Variants in PTBP2 observed in about 807,000 individuals in gnomAD.
PTBP2 encodes the protein polypyrimidine tract-binding protein 2.
Under a neutral mutation model 61.4 loss-of-function variants are expected in PTBP2, and 13 were observed. The ratio of observed to expected loss-of-function variants is 0.21; its 90% CI spans 0.14 to 0.34. PTBP2 has a LOEUF of 0.34. PTBP2 is among the 10% of genes least tolerant of loss of function. The pLI, the probability that PTBP2 is intolerant of heterozygous loss-of-function variation, is 1.00. For synonymous variants in PTBP2, 215 were observed against 218.5 expected, an observed-to-expected ratio of 0.98 and a Z score of 0.14; for missense variants, 405 against 642.6, an observed-to-expected ratio of 0.63 and a Z score of 4.00.
intron 2 of PTBP2, among the ~76,000 whole-genome samples, chr1:96,741,325 G>A (rs911825375): frequency 2.0e-5 from 3 of 151,920 alleles, no homozygotes; most frequent in South Asian, 2.1e-4. Flanking sequence ...GCAGTGGCTC[G>A]GTCACAGTCA....
intron 5 of PTBP2, 70 bp from the exon 6 acceptor site, chr1:96,777,504 AAGTGAACTAGT>A (rs1257836848): frequency 7.9e-7 from 1 of 1,264,560 alleles, no homozygotes; most frequent in African/African-American, 1.5e-5. Flanking sequence ...TCTAGGAACA[AAGTGAACTAGT>A]AGTGTAACAG....
intron 8 of PTBP2, among the ~76,000 whole-genome samples, chr1:96,802,185 TGAGA>T (rs1557771344): frequency 1.7e-5 from 2 of 120,842 alleles, no homozygotes; most frequent in African/African-American, 6.5e-5. Context: ...CACTCCAACC[TGAGA>T]GACACAGCGA....
intron 2 of PTBP2, among the ~76,000 whole-genome samples, chr1:96,726,253 ATTGTT>A (rs1372931317): frequency 6.9e-6 from 1 of 144,420 alleles, no homozygotes; most frequent in African/African-American, 2.6e-5. Flanking sequence ...AATTCAAACT[ATTGTT>A]TTGGCCCACA....
intron 2 of PTBP2, among the ~76,000 whole-genome samples, chr1:96,726,861 G>T (rs987025743): frequency 3.9e-5 from 6 of 152,092 alleles, no homozygotes; most frequent in African/African-American, 1.4e-4. Flanking sequence ...GGGATTACAG[G>T]CTTGAGCCAC....
intron 2 of PTBP2, among the ~76,000 whole-genome samples, chr1:96,737,172 G>A (rs994189398): frequency 6.6e-6 from 1 of 151,802 alleles, no homozygotes; most frequent in African/African-American, 2.4e-5. Flanking sequence ...GTAGAGATGG[G>A]TTTTACCATG....
At chr1:96,811,142 ATAGG>A (rs926651192) in intron 11 of PTBP2, among the ~76,000 whole-genome samples, 92 of 152,214 alleles carry the variant, frequency 6.0e-4, no homozygotes, top group African/African-American at 2.1e-3. Flanking sequence ...TAAGGAAGTT[ATAGG>A]TAAAATAAGA....
intron 3 of PTBP2, among the ~76,000 whole-genome samples, chr1:96,754,611 C>A (rs1351635635): frequency 6.6e-6 from 1 of 152,150 alleles, no homozygotes; most frequent in Non-Finnish European, 1.5e-5. Flanking sequence ...TCAAGAATTA[C>A]TGCAAAGCTA....
At chr1:96,762,783 G>A (rs908590027) in intron 3 of PTBP2, among the ~76,000 whole-genome samples, 5 of 152,144 alleles carry the variant, frequency 3.3e-5, no homozygotes, top group East Asian at 2.0e-4. Flanking sequence ...CTTCCCAGAC[G>A]GCGTGGCTGC....
At chr1:96,804,489 C>T (rs1404055274) in intron 8 of PTBP2, among the ~76,000 whole-genome samples, 1 of 152,016 alleles carries the variant, frequency 6.6e-6, no homozygotes, top group Non-Finnish European at 1.5e-5. Flanking sequence ...AAGCCTGTGA[C>T]TTGGAATTAT....
At chr1:96,762,280 G>C (rs7551204) in intron 3 of PTBP2, among the ~76,000 whole-genome samples, 10,133 of 146,982 alleles carry the variant, frequency 0.069, 546 homozygotes, top group Admixed American at 0.15. Flanking sequence ...CGGGCAGAGG[G>C]GCTCCTCACT....
intron 2 of PTBP2, among the ~76,000 whole-genome samples, chr1:96,728,293 G>C (rs956760994): frequency 6.6e-5 from 10 of 152,136 alleles, no homozygotes; most frequent in African/African-American, 2.2e-4. Context: ...GGCCACCTTT[G>C]TTTTCTAATA....
At chr1:96,797,195 G>C (rs1660479880) in intron 8 of PTBP2, among the ~76,000 whole-genome samples, 1 of 152,152 alleles carries the variant, frequency 6.6e-6, no homozygotes, top group African/African-American at 2.4e-5. Context: ...TGGAACAGCA[G>C]TTTGAAAGTA....
chr1:96,726,896 TA>T (rs796906114), intron 2 of PTBP2, among the ~76,000 whole-genome samples: 18 of 151,854 alleles, frequency 1.2e-4, no homozygotes, highest in African/African-American at 4.4e-4. Flanking sequence ...ATCTTGCCTT[TA>T]AAAAAAATAG....
intron 8 of PTBP2, among the ~76,000 whole-genome samples, chr1:96,791,826 C>CTTTTTTTTGTTTTTTTTTTTTTTT (rs1482989030): frequency 1.5e-5 from 1 of 66,128 alleles, no homozygotes; most frequent in Non-Finnish European, 2.6e-5. Context: ...TGGAGTTGTG[C>CTTTTTTTTGTTTTTTTTTTTTTTT]TTTTTTTTTT....
chr1:96,733,023 T>TTC lies in PTBP2; in HGVS notation c.39+9430_39+9431insCT, dbSNP rs1553171620. On this transcript the variant is annotated intron_variant, in intron 2 of 13. Transcript: ENST00000674951. ...TCATTACTCTGCTTTCTTTCTTTCT[T>TTC]TTTTTTTTTTTTTGCTATAGCAAAT... Among the ~76,000 whole-genome samples the TTC allele has an allele frequency of 2.8e-3, 414 of 146,148 alleles. 2 individuals carry two copies. The highest frequency in any genetic ancestry group is 0.01 in the African/African-American group (405 of 40,416).
At chr1:96,774,708 T>C (rs1336678360) in intron 5 of PTBP2, among the ~76,000 whole-genome samples, 1 of 152,234 alleles carries the variant, frequency 6.6e-6, no homozygotes, top group Non-Finnish European at 1.5e-5. Flanking sequence ...TTCTTTTTCT[T>C]TTCCCTTCTG....
intron 2 of PTBP2, among the ~76,000 whole-genome samples, chr1:96,748,752 A>G (rs921885265): frequency 2.6e-5 from 4 of 152,200 alleles, no homozygotes; most frequent in African/African-American, 7.2e-5. Flanking sequence ...GCAGTCATCA[A>G]TCACTACCAT....
At chr1:96,771,017 T>A (rs1657315746) in intron 5 of PTBP2, 166 bp downstream of exon 5, 1 of 540,630 alleles carries the variant, frequency 1.8e-6, no homozygotes, top group Admixed American at 3.7e-5. Flanking sequence ...AAATACTATG[T>A]CATTTTGAAT....
chr1:96,775,037 C>T (rs190884983), intron 5 of PTBP2, among the ~76,000 whole-genome samples: 219 of 152,250 alleles, frequency 1.4e-3, no homozygotes, highest in African/African-American at 5.2e-3. Flanking sequence ...TTCACATGGC[C>T]AGTGTTAAAT....
Sources: allele counts gnomAD v4.1 joint callset (sites outside exome capture counted in the v4.1 genomes callset), GRCh38; gene constraint gnomAD v4.1.1; transcripts MANE v1.5; gene names NCBI Gene and HGNC (gene_info 2026-07-23, HGNC 2026-07-21).